EPC2: variants seen among roughly 807,000 people sequenced by gnomAD.
EPC2 encodes enhancer of polycomb homolog 2.
In EPC2, 14 loss-of-function variants were observed where a neutral mutation model predicts 92.1. The observed-to-expected ratio is 0.15, with a 90% CI of 0.10 to 0.24. The LOEUF (loss-of-function observed/expected upper bound fraction) is 0.24, where lower values mean the gene tolerates loss of function less well. EPC2 is among the 10% of genes least tolerant of loss of function. The pLI, the probability that EPC2 is intolerant of heterozygous loss-of-function variation, is 1.00. For missense variants in EPC2, 755 were observed against 971.5 expected, an observed-to-expected ratio of 0.78 and a Z score of 2.96; for synonymous variants, 340 against 334.7, an observed-to-expected ratio of 1.02 and a Z score of -0.17.
At chr2:148,658,325 G>C (rs552002816) in intron 1 of EPC2, among the ~76,000 whole-genome samples, 1 of 152,160 alleles carries the variant, frequency 6.6e-6, no homozygotes, top group South Asian at 2.1e-4. Flanking sequence ...GGCACCTTTA[G>C]ACAGTGAAAT....
intron 2 of EPC2, among the ~76,000 whole-genome samples, chr2:148,701,224 A>C (rs542035741): frequency 5.3e-5 from 8 of 152,286 alleles, no homozygotes; most frequent in African/African-American, 1.9e-4. Context: ...AGACAGTTTC[A>C]TTTCGTCCTA....
intron 2 of EPC2, among the ~76,000 whole-genome samples, chr2:148,697,080 T>G (rs1470572805): frequency 6.6e-6 from 1 of 152,236 alleles, no homozygotes; most frequent in African/African-American, 2.4e-5. Flanking sequence ...GGACAGATAA[T>G]GTATTTCTCC....
Position 148,762,757 on chromosome 2 carries a change from T to C in EPC2, c.903T>C (p.Thr301=), listed in dbSNP as rs763388041. Residue 301 remains threonine, a synonymous_variant, in exon 6 of 14, where the codon ACT becomes ACC. Transcript: ENST00000258484. ...AAGAGTTATATGCCACTCCAGCAAC[T>C]CTTCATAATGGAAATCATCACAAAG... is the stretch of plus-strand genomic sequence containing the variant. ...SEKELYATPA[T]LHNGNHHKVQ... The C allele has an allele frequency of 2.5e-6, 4 of 1,610,444 alleles. No homozygotes were observed. The highest frequency in any genetic ancestry group is 3.4e-6 in the Non-Finnish European group (4 of 1,178,716).
intron 3 of EPC2, among the ~76,000 whole-genome samples, chr2:148,751,253 A>T (rs1558829464): frequency 6.6e-6 from 1 of 152,108 alleles, no homozygotes; most frequent in Admixed American, 6.6e-5. Flanking sequence ...TCGTTTATGT[A>T]TTCAAAATAT....
In EPC2 at chr2:148,770,735, C is replaced by G; in HGVS notation, c.1231-57C>G. 3.3e-6 allele frequency: 5 copies of G among 1,530,976 alleles called. No homozygotes were observed. The South Asian group carries it at 5.2e-5, about 16-fold the overall frequency. 94.8% of individuals were successfully genotyped at this position (1,530,976 alleles called of 1,614,324 possible). A position where few individuals can be genotyped will look rare whatever the true frequency, so the allele number is the denominator to read the frequency against. On this transcript the variant is annotated intron_variant, in intron 8 of 13. Coordinates refer to ENST00000258484, the MANE Select transcript of EPC2 (RefSeq NM_015630.4). ...TCATGTTTATCATGATCTAACCTGT[C>G]TTCATTTCAGATTTACTCCATGAGT...
chr2:148,660,761 A>C (rs1181992508), intron 1 of EPC2, among the ~76,000 whole-genome samples: 1 of 152,084 alleles, frequency 6.6e-6, no homozygotes, highest in Admixed American at 6.6e-5. Flanking sequence ...CATCATTTAA[A>C]AAAATAATCT....
intron 1 of EPC2, among the ~76,000 whole-genome samples, chr2:148,651,452 A>G (rs1270918392): frequency 1.3e-5 from 2 of 152,212 alleles, no homozygotes. Flanking sequence ...AGAAGCACTC[A>G]GTAAATATTT....
At chr2:148,656,028 G>T (rs60430818) in intron 1 of EPC2, among the ~76,000 whole-genome samples, 29,015 of 117,172 alleles carry the variant, frequency 0.25, 4,341 homozygotes, top group East Asian at 0.55. Flanking sequence ...TGTGTGTGGG[G>T]GGGGGGGGGG....
At chr2:148,652,249 T>A (rs1574561109) in intron 1 of EPC2, among the ~76,000 whole-genome samples, 1 of 152,298 alleles carries the variant, frequency 6.6e-6, no homozygotes, top group East Asian at 1.9e-4. Flanking sequence ...TATAGCATGA[T>A]CAAAAGTTAG....
intron 2 of EPC2, among the ~76,000 whole-genome samples, chr2:148,739,037 C>T (rs1164901876): frequency 4.6e-5 from 7 of 152,186 alleles, no homozygotes; most frequent in Non-Finnish European, 8.8e-5. Flanking sequence ...CACTGGAGAA[C>T]ATGTACCCAG....
intron 10 of EPC2, among the ~76,000 whole-genome samples, chr2:148,773,708 T>A (rs968510039): frequency 2.6e-5 from 4 of 152,146 alleles, no homozygotes; most frequent in African/African-American, 4.8e-5. Context: ...CAGCATTTTT[T>A]AAAATAATTG....
intron 2 of EPC2, among the ~76,000 whole-genome samples, chr2:148,719,447 CTGTTTG>C (rs1682324554): frequency 6.6e-6 from 1 of 151,922 alleles, no homozygotes; most frequent in Admixed American, 6.6e-5. Flanking sequence ...TTGTCGTTTT[CTGTTTG>C]TTTTTCTTTT....
chr2:148,750,838 A>G, intron 3 of EPC2, among the ~76,000 whole-genome samples: 1 of 152,136 alleles, frequency 6.6e-6, no homozygotes, highest in Non-Finnish European at 1.5e-5. Context: ...CTGTTACACA[A>G]ATAATAAGCC....
intron 1 of EPC2, among the ~76,000 whole-genome samples, chr2:148,646,745 C>G (rs1208385506): frequency 6.6e-6 from 1 of 151,898 alleles, no homozygotes; most frequent in Non-Finnish European, 1.5e-5. Flanking sequence ...GGTCTTGATC[C>G]AAAGAAAGAT....
chr2:148,688,404 G>A (rs925685354), intron 1 of EPC2, among the ~76,000 whole-genome samples: 13 of 151,964 alleles, frequency 8.6e-5, no homozygotes, highest in African/African-American at 2.7e-4. Flanking sequence ...ACACACCAGG[G>A]CCTGTTGTGG....
chr2:148,732,484 G>A (rs1244903138), intron 2 of EPC2, among the ~76,000 whole-genome samples: 3 of 151,290 alleles, frequency 2.0e-5, no homozygotes, highest in Admixed American at 6.6e-5. Flanking sequence ...AGGTTCAAGC[G>A]ATTCTCCTGC....
chr2:148,738,888 T>C (rs1316752406), intron 2 of EPC2, among the ~76,000 whole-genome samples: 1 of 152,206 alleles, frequency 6.6e-6, no homozygotes, highest in Non-Finnish European at 1.5e-5. Context: ...ATTTAACCCC[T>C]GAATTAGACA....
chr2:148,670,105 T>C (rs1447842012), intron 1 of EPC2, among the ~76,000 whole-genome samples: 2 of 152,168 alleles, frequency 1.3e-5, no homozygotes, highest in Non-Finnish European at 2.9e-5. Context: ...TCTCAACTCA[T>C]GAAGTCTACT....
At chr2:148,783,067 G>T (rs17361485) in intron 11 of EPC2, among the ~76,000 whole-genome samples, 5,700 of 152,260 alleles carry the variant, frequency 0.037, 147 homozygotes, top group Middle Eastern at 0.054. Context: ...GTGGATCTGG[G>T]ACTTGCTCAA....
Sources: gnomAD v4.1 joint callset for allele counts (sites outside exome capture counted in the v4.1 genomes callset) on GRCh38, gnomAD v4.1.1 for gene constraint, MANE v1.5 for transcripts, NCBI Gene and HGNC (gene_info 2026-07-23, HGNC 2026-07-21) for gene names.